TBCK: variants seen among roughly 807,000 people sequenced by gnomAD.
The protein encoded by TBCK is TBC domain-containing protein kinase-like protein.
Under a neutral mutation model 113.4 loss-of-function variants are expected in TBCK, and 99 were observed. The observed-to-expected ratio is 0.87, with a 90% CI of 0.74 to 1.03. The LOEUF is 1.03. Among genes scored for constraint, TBCK ranks in the 50% least tolerant of loss-of-function variants. The probability of loss-of-function intolerance (pLI) is 0.00; values close to 1 mark genes in which losing one functional copy is unlikely to be tolerated. For missense variants in TBCK, 1,045 were observed against 1,061.3 expected (o/e 0.98, Z 0.21); for synonymous variants, 369 against 370.8 (o/e 1.00, Z 0.05).
chr4:106,223,951 T>C (rs910940868), intron 19 of TBCK, among the ~76,000 whole-genome samples: 2 of 152,158 alleles, frequency 1.3e-5, no homozygotes, highest in African/African-American at 2.4e-5. Context: ...TTAATAATCT[T>C]AGATAATCTC....
At chr4:106,203,766 A>C (rs1459518344) in intron 20 of TBCK, among the ~76,000 whole-genome samples, 1 of 152,108 alleles carries the variant, frequency 6.6e-6, no homozygotes, top group Non-Finnish European at 1.5e-5. Flanking sequence ...TACTACAAAA[A>C]ACTTTTCAAA....
intron 24 of TBCK, among the ~76,000 whole-genome samples, chr4:106,098,785 A>G (rs1012132034): frequency 3.9e-5 from 6 of 152,098 alleles, no homozygotes; most frequent in Admixed American, 1.3e-4. Flanking sequence ...CTTACACTAT[A>G]TATCTTACCC....
intron 2 of TBCK, among the ~76,000 whole-genome samples, chr4:106,305,156 T>C (rs1767376769): frequency 6.6e-6 from 1 of 152,178 alleles, no homozygotes; most frequent in Admixed American, 6.5e-5. Flanking sequence ...TTTTCCTTTT[T>C]TACATCTTCA....
intron 12 of TBCK, among the ~76,000 whole-genome samples, chr4:106,241,824 A>G (rs879648168): frequency 2.6e-5 from 4 of 151,976 alleles, no homozygotes; most frequent in Non-Finnish European, 4.4e-5. Flanking sequence ...TAACCTTGCT[A>G]TTACTTTAAA....
chr4:106,266,842 T>A (rs551639790), intron 3 of TBCK, among the ~76,000 whole-genome samples: 2 of 151,962 alleles, frequency 1.3e-5, no homozygotes, highest in Non-Finnish European at 2.9e-5. Context: ...TTAAGTTATA[T>A]TCTTTAATAC....
At chr4:106,065,388 T>C (rs1233496416) in intron 25 of TBCK, among the ~76,000 whole-genome samples, 1 of 152,076 alleles carries the variant, frequency 6.6e-6, no homozygotes. Context: ...AGATGTAATA[T>C]CTCACATGAC....
At chr4:106,266,586 CTGA>C in intron 3 of TBCK, among the ~76,000 whole-genome samples, 1 of 151,820 alleles carries the variant, frequency 6.6e-6, no homozygotes, top group East Asian at 1.9e-4. Flanking sequence ...TAAAAATGAG[CTGA>C]TGAACATGCA....
intron 19 of TBCK, among the ~76,000 whole-genome samples, chr4:106,221,799 A>G (rs1757712166): frequency 6.6e-6 from 1 of 152,050 alleles, no homozygotes; most frequent in Non-Finnish European, 1.5e-5. Flanking sequence ...GGAATAACAG[A>G]CTCCAGGACC....
rs1469544638 is a variant in TBCK, at chr4:106,276,570, CT to C, written c.267-14359del. On this transcript the variant is annotated intron_variant, in intron 3 of 25. Coordinates refer to ENST00000394708, the MANE Select transcript of TBCK (RefSeq NM_001163435.3). ...CTAAATACAATAATAATAATAACTT[CT>C]GCTCATCAAAATATATCTTTAAAAA... 3.3e-5 allele frequency among the ~76,000 whole-genome samples: 5 copies of C among 152,152 alleles called. No homozygotes were observed. In the East Asian group the frequency reaches 9.7e-4, roughly 29 times the overall value.
In TBCK at chr4:106,052,751, TA is replaced by T. The variant is rs1243371015; in HGVS notation, c.2572-6072del. On this transcript the variant is annotated intron_variant, in intron 25 of 25. Coordinates refer to ENST00000394708, the MANE Select transcript of TBCK (RefSeq NM_001163435.3). ...ATTCTTTCTCTGTACATTTTTATTT[TA>T]AAAAAAGTCAAAAAATATATAAATA... 1.3e-4 allele frequency among the ~76,000 whole-genome samples: 20 copies of T among 151,700 alleles called. No individual in the cohort carries two copies. The East Asian group carries it at 3.7e-3, about 28-fold the overall frequency.
At chr4:106,170,808 A>G (rs1240088975) in intron 23 of TBCK, among the ~76,000 whole-genome samples, 2 of 151,986 alleles carry the variant, frequency 1.3e-5, no homozygotes, top group African/African-American at 2.4e-5. Context: ...TGCTTCTGTA[A>G]TCTCTCACTA....
chr4:106,129,843 C>T (rs1156886924), intron 23 of TBCK, among the ~76,000 whole-genome samples: 2 of 152,164 alleles, frequency 1.3e-5, no homozygotes, highest in African/African-American at 4.8e-5. Context: ...GTTTAGACTG[C>T]GTCAAGAGGG....
intron 16 of TBCK, 89 bp downstream of exon 16, chr4:106,233,499 G>T: frequency 1.0e-6 from 1 of 981,360 alleles, no homozygotes; most frequent in Non-Finnish European, 1.6e-6. Flanking sequence ...CTGTATTCAT[G>T]AGAGAAAGAG....
intron 24 of TBCK, among the ~76,000 whole-genome samples, chr4:106,108,917 C>A (rs138527535): frequency 8.1e-4 from 122 of 149,852 alleles, no homozygotes; most frequent in African/African-American, 2.9e-3. Flanking sequence ...TTGCAGGATA[C>A]AAAAGCAATG....
chr4:106,149,201 C>G (rs1435986766), intron 23 of TBCK, among the ~76,000 whole-genome samples: 1 of 152,206 alleles, frequency 6.6e-6, no homozygotes, highest in Non-Finnish European at 1.5e-5. Context: ...ATCCAGACCA[C>G]TAAAACTTTC....
At chr4:106,198,178 G>C (rs772263938) in intron 20 of TBCK, among the ~76,000 whole-genome samples, 1 of 152,098 alleles carries the variant, frequency 6.6e-6, no homozygotes, top group Non-Finnish European at 1.5e-5. Context: ...ATGATTACTG[G>C]ATAGCGTGCC....
intron 25 of TBCK, among the ~76,000 whole-genome samples, chr4:106,058,146 A>C (rs1735643085): frequency 6.6e-6 from 1 of 151,776 alleles, no homozygotes; most frequent in Non-Finnish European, 1.5e-5. Flanking sequence ...GGATATAACA[A>C]TGCAACATAG....
chr4:106,116,614 TC>T (rs1426125950), intron 23 of TBCK, among the ~76,000 whole-genome samples: 1 of 152,128 alleles, frequency 6.6e-6, no homozygotes, highest in East Asian at 1.9e-4. Flanking sequence ...GGTAAGCAAG[TC>T]AGCAAAGCTT....
intron 24 of TBCK, among the ~76,000 whole-genome samples, chr4:106,099,606 T>C (rs1348264690): frequency 6.6e-6 from 1 of 152,218 alleles, no homozygotes; most frequent in African/African-American, 2.4e-5. Context: ...CTAAATCTAT[T>C]GATAGTCTGA....
Sources: allele counts gnomAD v4.1 joint callset (sites outside exome capture counted in the v4.1 genomes callset), GRCh38; gene constraint gnomAD v4.1.1; transcripts MANE v1.5; gene names NCBI Gene and HGNC (gene_info 2026-07-23, HGNC 2026-07-21).